Variants in MAOB observed in about 807,000 individuals in gnomAD.
The protein encoded by MAOB is amine oxidase [flavin-containing] B.
A neutral mutation model predicts 41.9 loss-of-function variants in MAOB; 15 were observed. The observed-to-expected ratio is 0.36, with a 90% CI of 0.24 to 0.55. The LOEUF is 0.55. MAOB is among the 20% of genes least tolerant of loss of function. The pLI is 0.86. For synonymous variants in MAOB, 167 were observed against 144.2 expected (o/e 1.16, Z -1.13); for missense variants, 345 against 398.7 (o/e 0.87, Z 1.15).
At chrX:43,819,221 T>C (rs1446516141) in intron 3 of MAOB, among the ~76,000 whole-genome samples, 1 of 111,769 alleles carries the variant, frequency 8.9e-6, no homozygotes, top group African/African-American at 3.3e-5. Flanking sequence ...TAGGAACTTA[T>C]TACTTCAGTT....
intron 1 of MAOB, among the ~76,000 whole-genome samples, chrX:43,854,958 C>T (rs2035278785): frequency 9.0e-6 from 1 of 111,057 alleles, no homozygotes; most frequent in Admixed American, 9.5e-5. Flanking sequence ...ATTCAACTCA[C>T]CGAGACATTT....
intron 1 of MAOB, among the ~76,000 whole-genome samples, chrX:43,851,368 T>C (rs927312071): frequency 9.0e-6 from 1 of 111,152 alleles, no homozygotes; most frequent in African/African-American, 3.3e-5. Flanking sequence ...ACATAGTAGG[T>C]GGATGTACTT....
In MAOB at chrX:43,838,871, T is replaced by C. The variant is rs758112463; in HGVS notation, c.276A>G (p.Val92=). 9 of 1,195,559 alleles carry C rather than the reference T, an allele frequency of 7.5e-6. No homozygotes were observed. The highest frequency in any genetic ancestry group is 9.0e-6 in the Non-Finnish European group (8 of 889,257). Residue 92 remains valine (V), a synonymous_variant, in exon 3 of 15, where the codon GTA becomes GTG. Transcript: ENST00000378069. ...TCAAAGTCTGGCCTGATCTTACCTT[T>C]ACATGGTGGATCAGACGCTCAACCT... ...VNEVERLIHH[V]KGKSYPFRGP... is the part of the protein sequence containing the mutation.
At chrX:43,828,203 T>C (rs1309041883) in intron 3 of MAOB, among the ~76,000 whole-genome samples, 1 of 112,191 alleles carries the variant, frequency 8.9e-6, no homozygotes, top group East Asian at 2.8e-4. Context: ...CCTTTCTGCC[T>C]AAGTATGAAG....
intron 3 of MAOB, among the ~76,000 whole-genome samples, chrX:43,822,557 G>C (rs76910876): frequency 4.1e-4 from 46 of 111,795 alleles, no homozygotes; most frequent in Non-Finnish European, 4.1e-4. Context: ...AAAGCTACTT[G>C]TGAATTTTAC....
In MAOB at chrX:43,802,164, A is replaced by G. The variant is rs1278003250; in HGVS notation, c.476+8T>C. 1 of 1,196,877 alleles carries G rather than the reference A, an allele frequency of 8.4e-7. No homozygotes were observed. Among genetic ancestry groups the G allele is most frequent in the East Asian group, 3.0e-5 (1 of 33,655 alleles). On this transcript the variant is annotated splice_region_variant and intron_variant, in intron 5 of 14. Coordinates refer to ENST00000378069, the MANE Select transcript of MAOB (RefSeq NM_000898.5). ...CAGTAAATGCCTGTGCCTAATGGCA[A>G]GACTTACTCAGTCCAGCAGAGCTTG...
chrX:43,809,537 A>T (rs1569218771), intron 3 of MAOB, among the ~76,000 whole-genome samples: 1 of 112,598 alleles, frequency 8.9e-6, no homozygotes, highest in East Asian at 2.8e-4. Flanking sequence ...CTTCTGATAA[A>T]CACAGGAAAG....
intron 2 of MAOB, among the ~76,000 whole-genome samples, chrX:43,842,610 G>A (rs903386433): frequency 8.9e-6 from 1 of 112,231 alleles, no homozygotes; most frequent in African/African-American, 3.2e-5. Flanking sequence ...ATGTCAAAGA[G>A]ATATCTGCAC....
At chrX:43,861,610 G>A (rs769975570) in intron 1 of MAOB, among the ~76,000 whole-genome samples, 1 of 111,613 alleles carries the variant, frequency 9.0e-6, no homozygotes, top group South Asian at 3.8e-4. Context: ...CCTTTCATCA[G>A]TAACACCATT....
intron 1 of MAOB, among the ~76,000 whole-genome samples, chrX:43,873,169 G>C (rs1458202229): frequency 9.0e-6 from 1 of 111,695 alleles, no homozygotes; most frequent in African/African-American, 3.3e-5. Flanking sequence ...CTTTAATGTA[G>C]AAAACTGGAA....
In MAOB at chrX:43,836,542, G is replaced by A. The variant is rs756283545; in HGVS notation, c.279+2326C>T. ...AATTAATTTGAGAGTAAGTTACTACGTAAAACATATACACATATGCATGTG... is the reference window on the plus strand; with the variant it reads ...AATTAATTTGAGAGTAAGTTACTACATAAAACATATACACATATGCATGTG... On this transcript the variant is annotated intron_variant, in intron 3 of 14. Transcript: ENST00000378069. Among the ~76,000 whole-genome samples the A allele has an allele frequency of 6.3e-5, 7 of 111,929 alleles. No homozygotes were observed. The East Asian group carries it at 1.4e-3, about 22-fold the overall frequency.
intron 3 of MAOB, among the ~76,000 whole-genome samples, chrX:43,818,888 T>C (rs1378487564): frequency 8.9e-6 from 1 of 112,105 alleles, no homozygotes; most frequent in Non-Finnish European, 1.9e-5. Context: ...GCATCATAAT[T>C]ATAACATGGC....
chrX:43,881,892 T>G (rs1296530184), intron 1 of MAOB, among the ~76,000 whole-genome samples: 6 of 111,232 alleles, frequency 5.4e-5, no homozygotes, highest in Non-Finnish European at 9.4e-5. Context: ...GGGTGCGGAG[T>G]GTCCAGGTCA....
At chrX:43,813,549 T>C (rs1275619485) in intron 3 of MAOB, among the ~76,000 whole-genome samples, 1 of 112,390 alleles carries the variant, frequency 8.9e-6, no homozygotes, top group Admixed American at 9.4e-5. Context: ...AGATAGTCTC[T>C]GGAAGGCATT....
At chrX:43,835,016 A>G (rs2147160198) in intron 3 of MAOB, among the ~76,000 whole-genome samples, 1 of 112,123 alleles carries the variant, frequency 8.9e-6, no homozygotes, top group South Asian at 3.7e-4. Context: ...TTTACTTTCA[A>G]ATTTCAGACT....
At chrX:43,853,896 C>G (rs1008073357) in intron 1 of MAOB, among the ~76,000 whole-genome samples, 3 of 112,489 alleles carry the variant, frequency 2.7e-5, no homozygotes, top group African/African-American at 9.7e-5. Flanking sequence ...TATGACAATA[C>G]ATTTCTGTTG....
chrX:43,768,336 A>C (rs1410209297), intron 14 of MAOB, among the ~76,000 whole-genome samples: 1 of 112,137 alleles, frequency 8.9e-6, no homozygotes, highest in Middle Eastern at 4.2e-3. Flanking sequence ...CATGTGGAGA[A>C]TCACCAGGCT....
At chrX:43,821,101 CA>C (rs2034874186) in intron 3 of MAOB, among the ~76,000 whole-genome samples, 1 of 111,939 alleles carries the variant, frequency 8.9e-6, no homozygotes, top group Non-Finnish European at 1.9e-5. Context: ...ATAAATACCA[CA>C]AAGCCCCTTT....
intron 8 of MAOB, among the ~76,000 whole-genome samples, chrX:43,792,652 C>T (rs1303390815): frequency 3.6e-5 from 4 of 111,634 alleles, no homozygotes; most frequent in African/African-American, 1.3e-4. Flanking sequence ...CCATCTCACA[C>T]CAGTCAGAAT....
Sources: allele counts gnomAD v4.1 joint callset (sites outside exome capture counted in the v4.1 genomes callset), GRCh38; gene constraint gnomAD v4.1.1; transcripts MANE v1.5; gene names NCBI Gene and HGNC (gene_info 2026-07-23, HGNC 2026-07-21).